Variants in SGCD observed in about 807,000 individuals in gnomAD.
SGCD encodes delta-sarcoglycan.
A neutral mutation model predicts 36.6 loss-of-function variants in SGCD; 18 were observed. The observed-to-expected ratio is 0.49, with a 90% CI of 0.34 to 0.73. The LOEUF (loss-of-function observed/expected upper bound fraction) is 0.73. Ranked by LOEUF, SGCD falls within the 30% of genes least tolerant of loss-of-function variation. SGCD has a pLI of 0.01. For missense variants in SGCD, 387 were observed against 346.7 expected, an observed-to-expected ratio of 1.12 and a Z score of -0.92; for synonymous variants, 133 against 130.6, an observed-to-expected ratio of 1.02 and a Z score of -0.12.
chr5:156,375,383 T>C (rs1770603591), intron 3 of SGCD, among the ~76,000 whole-genome samples: 1 of 147,876 alleles, frequency 6.8e-6, no homozygotes, highest in African/African-American at 2.5e-5. Context: ...GCCCCAGTAA[T>C]ATCCTTCACA....
intron 3 of SGCD, among the ~76,000 whole-genome samples, chr5:156,283,080 C>T (rs937212489): frequency 1.1e-4 from 16 of 152,056 alleles, no homozygotes; most frequent in African/African-American, 3.9e-4. Context: ...CTCTGCAGGC[C>T]TTTAGTCCTT....
intron 3 of SGCD, among the ~76,000 whole-genome samples, chr5:156,275,458 C>G (rs1375209930): frequency 6.6e-6 from 1 of 152,078 alleles, no homozygotes; most frequent in Admixed American, 6.6e-5. Flanking sequence ...ATAGAAACAA[C>G]ATAAAATAAG....
At chr5:156,563,984 C>A (rs952622915) in intron 4 of SGCD, among the ~76,000 whole-genome samples, 2 of 152,234 alleles carry the variant, frequency 1.3e-5, no homozygotes, top group Non-Finnish European at 2.9e-5. Flanking sequence ...TATCTGGAAT[C>A]ATTATCAAAG....
intron 2 of SGCD, among the ~76,000 whole-genome samples, chr5:156,335,573 C>G (rs1768305704): frequency 6.6e-6 from 1 of 152,114 alleles, no homozygotes; most frequent in Non-Finnish European, 1.5e-5. Context: ...ATCTCACTAC[C>G]TCTTACCATC....
chr5:156,470,986 C>A (rs1202719279), intron 3 of SGCD, among the ~76,000 whole-genome samples: 1 of 152,020 alleles, frequency 6.6e-6, no homozygotes, highest in Non-Finnish European at 1.5e-5. Context: ...GATGTTGAAT[C>A]TGAAGGATTC....
At chr5:155,975,784 C>G (rs1016417221) in intron 1 of SGCD, among the ~76,000 whole-genome samples, 6 of 151,334 alleles carry the variant, frequency 4.0e-5, no homozygotes, top group African/African-American at 1.5e-4. Context: ...CACCTGCTAC[C>G]ATGGCTGGCT....
intron 1 of SGCD, among the ~76,000 whole-genome samples, chr5:156,071,195 C>G (rs1284305696): frequency 6.6e-6 from 1 of 152,102 alleles, no homozygotes. Context: ...TTTGCTCTTG[C>G]TTTTCTAGTT....
At chr5:156,322,782 T>G (rs1394073652), upstream of SGCD, among the ~76,000 whole-genome samples, 2 of 152,212 alleles carry the variant, frequency 1.3e-5, no homozygotes, top group Non-Finnish European at 1.5e-5. Context: ...TGGCAGCAGA[T>G]GAGGCTAAAG....
Position 156,548,464 on chromosome 5 carries a change from A to G in SGCD, c.294+39762A>G, listed in dbSNP as rs567619969. Among the ~76,000 whole-genome samples the G allele has an allele frequency of 2.0e-5, 3 of 152,352 alleles. No homozygotes were observed. The South Asian group carries it at 6.2e-4, about 32-fold the overall frequency. ...ATCCAAAAGGAAAATTTGCTGAGAG[A>G]CAAGAGCATATAGGGTTAAAGACCA... is the stretch of plus-strand genomic sequence containing the variant. On this transcript the variant is annotated intron_variant, in intron 4 of 8. Transcript: ENST00000337851.
chr5:156,077,642 C>G (rs1039212886), intron 1 of SGCD, among the ~76,000 whole-genome samples: 1 of 152,040 alleles, frequency 6.6e-6, no homozygotes, highest in Non-Finnish European at 1.5e-5. Flanking sequence ...TGTACTAGGT[C>G]GAGAATCTCC....
intron 7 of SGCD, among the ~76,000 whole-genome samples, chr5:156,727,051 C>T (rs765399577): frequency 6.6e-5 from 10 of 152,172 alleles, no homozygotes; most frequent in Non-Finnish European, 1.2e-4. Context: ...AATGTTTATT[C>T]AGGACCATTG....
intron 1 of SGCD, among the ~76,000 whole-genome samples, chr5:156,058,536 A>T (rs1698351262): frequency 6.9e-6 from 1 of 145,886 alleles, no homozygotes; most frequent in African/African-American, 2.5e-5. Context: ...CATCAGCTAC[A>T]CTTTGAGTAA....
intron 3 of SGCD, among the ~76,000 whole-genome samples, chr5:156,491,578 A>G (rs1338968289): frequency 6.6e-6 from 1 of 152,210 alleles, no homozygotes; most frequent in Non-Finnish European, 1.5e-5. Context: ...TGTGCACTCC[A>G]TAAATAAGTA....
intron 3 of SGCD, among the ~76,000 whole-genome samples, chr5:156,190,669 T>C (rs1482993878): frequency 6.6e-6 from 1 of 152,072 alleles, no homozygotes; most frequent in Non-Finnish European, 1.5e-5. Flanking sequence ...AAAATAATAA[T>C]CGTAATTACT....
At chr5:156,260,899 A>T (rs941089580) in intron 3 of SGCD, among the ~76,000 whole-genome samples, 1 of 152,126 alleles carries the variant, frequency 6.6e-6, no homozygotes, top group Non-Finnish European at 1.5e-5. Flanking sequence ...GTTAAATATT[A>T]TGCCTTTCAA....
chr5:156,413,161 A>G (rs1772859585), intron 3 of SGCD, among the ~76,000 whole-genome samples: 1 of 152,156 alleles, frequency 6.6e-6, no homozygotes, highest in Non-Finnish European at 1.5e-5. Context: ...AACAGGAATG[A>G]TGAAATAAAA....
rs946466031 is a variant in SGCD, at chr5:156,585,291, A to G, written c.295-3940A>G. 5.3e-5 allele frequency among the ~76,000 whole-genome samples: 8 copies of G among 152,230 alleles called. No individual in the cohort carries two copies. In the East Asian group the frequency reaches 1.5e-3, roughly 29 times the overall value. ...AAGAAAATAGAAATAACTGTACTAT[A>G]GTATTGTTTTTCAGTAACTTGCTAT... On this transcript the variant is annotated intron_variant, in intron 4 of 8. Coordinates refer to ENST00000337851, the MANE Select transcript of SGCD (RefSeq NM_000337.6).
At chr5:156,048,193 G>A (rs1047644621) in intron 1 of SGCD, among the ~76,000 whole-genome samples, 1 of 152,180 alleles carries the variant, frequency 6.6e-6, no homozygotes, top group Non-Finnish European at 1.5e-5. Context: ...TGGTGTATAT[G>A]TGCCACCTTT....
the SGCD span, among the ~76,000 whole-genome samples, chr5:155,780,320 C>A: frequency 3.3e-5 from 5 of 152,110 alleles, no homozygotes; most frequent in South Asian, 2.1e-4. Context: ...ATTGTATGTG[C>A]TCCAACAGGA....
Sources: allele counts gnomAD v4.1 joint callset (sites outside exome capture counted in the v4.1 genomes callset), GRCh38; gene constraint gnomAD v4.1.1; transcripts MANE v1.5; gene names NCBI Gene and HGNC (gene_info 2026-07-23, HGNC 2026-07-21).